The following GDA variants were observed in gnomAD, a reference collection of about 807,000 sequenced individuals.
GDA encodes the protein cytoplasmic PSD-95 interactor.
Under a neutral mutation model 59.6 loss-of-function variants are expected in GDA, and 18 were observed. The ratio of observed to expected loss-of-function variants is 0.30; its 90% CI spans 0.21 to 0.45. The LOEUF (loss-of-function observed/expected upper bound fraction) is 0.45, where lower values mean the gene tolerates loss of function less well. GDA is among the 20% of genes least tolerant of loss of function. The probability of loss-of-function intolerance (pLI) is 1.00; values close to 1 mark genes in which losing one functional copy is unlikely to be tolerated. For missense variants in GDA, 427 were observed against 552.3 expected (o/e 0.77, Z 2.27); for synonymous variants, 201 against 201.1 (o/e 1.00, Z 0.00).
At chr9:72,157,005 G>A (rs552854428) in intron 1 of GDA, among the ~76,000 whole-genome samples, 1 of 140,256 alleles carries the variant, frequency 7.1e-6, no homozygotes, top group Non-Finnish European at 1.5e-5. Context: ...ACCTGGAACT[G>A]TCTACTATCA....
chr9:72,176,702 G>T (rs1830576120), intron 1 of GDA, among the ~76,000 whole-genome samples: 1 of 152,110 alleles, frequency 6.6e-6, no homozygotes, highest in South Asian at 2.1e-4. Flanking sequence ...CTCTATTGTG[G>T]ATATTCCATT....
At chr9:72,259,420 A>T (rs538270634), downstream of GDA, among the ~76,000 whole-genome samples, 1 of 152,176 alleles carries the variant, frequency 6.6e-6, no homozygotes, top group African/African-American at 2.4e-5. Context: ...GATGCCAGGC[A>T]CTTGTTTGGG....
At position 72,226,916 on chromosome 9, in the gene GDA, G is replaced by C. The variant is rs1354489654; in HGVS notation, c.823-1027G>C. ...GCAGATCACGAGGTCAGGAGATCGA[G>C]ACCATCCTGGCTAACACGGTGAAAC... On this transcript the variant is annotated intron_variant, in intron 8 of 13. Transcript: ENST00000358399. 2.6e-5 allele frequency among the ~76,000 whole-genome samples: 4 copies of C among 152,108 alleles called. No individual in the cohort carries two copies. In the South Asian group the frequency reaches 6.2e-4, roughly 24 times the overall value.
intron 1 of GDA, among the ~76,000 whole-genome samples, chr9:72,179,171 G>C (rs1050182014): frequency 3.3e-5 from 5 of 152,060 alleles, no homozygotes; most frequent in Non-Finnish European, 7.4e-5. Context: ...TGACGTTTTC[G>C]AGCTTGTCCA....
At chr9:72,146,557 C>A (rs1313941354), upstream of GDA, among the ~76,000 whole-genome samples, 1 of 152,086 alleles carries the variant, frequency 6.6e-6, no homozygotes, top group African/African-American at 2.4e-5. Flanking sequence ...GTGGTTCAAT[C>A]CTGGCTCACT....
intron 10 of GDA, 112 bp from the exon 11 acceptor site, chr9:72,241,040 T>TA (rs1839555060): frequency 1.5e-6 from 1 of 671,456 alleles, no homozygotes; most frequent in Non-Finnish European, 2.3e-6. Flanking sequence ...TAAGAGCTTT[T>TA]TAAAAAAAGT....
At chr9:72,243,002 C>T (rs772266832) in intron 11 of GDA, among the ~76,000 whole-genome samples, 52 of 152,148 alleles carry the variant, frequency 3.4e-4, no homozygotes, top group Non-Finnish European at 6.5e-4. Flanking sequence ...TTTTCTGGGT[C>T]ACTGGGCTTA....
chr9:72,253,686 A>G (rs753254260), downstream of GDA: 18 of 152,194 alleles, frequency 1.2e-4, no homozygotes, highest in Admixed American at 2.6e-4. Context: ...TCTCCTAAAG[A>G]TCAATTTAGT....
At chr9:72,217,818 T>C (rs2131525468) in intron 5 of GDA, among the ~76,000 whole-genome samples, 1 of 152,350 alleles carries the variant, frequency 6.6e-6, no homozygotes, top group East Asian at 1.9e-4. Context: ...CTACTGACCA[T>C]ATAAATACTT....
At chr9:72,222,650 C>G (rs1837034059) in intron 6 of GDA, among the ~76,000 whole-genome samples, 1 of 151,932 alleles carries the variant, frequency 6.6e-6, no homozygotes, top group Non-Finnish European at 1.5e-5. Flanking sequence ...TGCCTATGTC[C>G]TGAATGGTAT....
At chr9:72,236,193 C>T (rs905449311) in intron 10 of GDA, among the ~76,000 whole-genome samples, 3 of 152,136 alleles carry the variant, frequency 2.0e-5, no homozygotes, top group Non-Finnish European at 4.4e-5. Context: ...GCAAAAGCTC[C>T]ACCCTTGATT....
intron 1 of GDA, among the ~76,000 whole-genome samples, chr9:72,153,673 C>T (rs972769655): frequency 2.0e-5 from 3 of 151,292 alleles, no homozygotes; most frequent in African/African-American, 7.3e-5. Flanking sequence ...AGTTCATGTC[C>T]TTTGTAGGGA....
At chr9:72,136,143 T>C (rs1427175344) in intron 1 of GDA, among the ~76,000 whole-genome samples, 1 of 152,116 alleles carries the variant, frequency 6.6e-6, no homozygotes, top group Non-Finnish European at 1.5e-5. Flanking sequence ...TTACTATAAA[T>C]AGAAGAAAAC....
At chr9:72,226,324 G>A (rs1166852788) in intron 8 of GDA, among the ~76,000 whole-genome samples, 6 of 152,094 alleles carry the variant, frequency 3.9e-5, no homozygotes, top group African/African-American at 1.4e-4. Context: ...GGCTTACAAG[G>A]AAGAATGTTT....
downstream of GDA, chr9:72,253,097 A>G (rs1840796476): frequency 6.6e-6 from 1 of 152,202 alleles, no homozygotes; most frequent in Admixed American, 6.5e-5. Flanking sequence ...AGTATTATAT[A>G]TTCTTTTTTT....
At position 72,249,737 on chromosome 9, in the gene GDA, A is replaced by G. The variant is rs1024848469; in HGVS notation, c.*1395A>G. On this transcript the variant is annotated 3_prime_UTR_variant, in exon 14 of 14. Transcript: ENST00000358399. ...CAAGGAAAAGGAATAGACTTTCTTA[A>G]TATATTATAACACTCATTCCTAGAG... 1.2e-6 allele frequency: 1 copy of G among 821,684 alleles called. No homozygotes were observed. The highest frequency in any genetic ancestry group is 1.5e-6 in the Non-Finnish European group (1 of 680,966). 50.9% of individuals were successfully genotyped at this position (821,684 alleles called of 1,614,324 possible). A position where few individuals can be genotyped will look rare whatever the true frequency, so the allele number is the denominator to read the frequency against.
chr9:72,190,240 C>G (rs574232304), intron 1 of GDA, among the ~76,000 whole-genome samples: 1 of 152,142 alleles, frequency 6.6e-6, no homozygotes, highest in Non-Finnish European at 1.5e-5. Flanking sequence ...AATTCTCCTG[C>G]CTCAGCCTCC....
At chr9:72,237,911 C>T (rs1220617612) in intron 10 of GDA, among the ~76,000 whole-genome samples, 2 of 152,098 alleles carry the variant, frequency 1.3e-5, no homozygotes, top group Non-Finnish European at 2.9e-5. Context: ...AAGCTGCCAT[C>T]GTTTCCTGCT....
chr9:72,168,259 G>T (rs374459105), intron 1 of GDA, among the ~76,000 whole-genome samples: 5 of 152,118 alleles, frequency 3.3e-5, no homozygotes, highest in African/African-American at 1.2e-4. Context: ...CACGAGCTGG[G>T]CATAGTGGTG....
Sources: allele counts gnomAD v4.1 joint callset (sites outside exome capture counted in the v4.1 genomes callset), GRCh38; gene constraint gnomAD v4.1.1; transcripts MANE v1.5; gene names NCBI Gene and HGNC (gene_info 2026-07-23, HGNC 2026-07-21).